The following PPP1R9A variants were observed in gnomAD, a reference collection of about 807,000 sequenced individuals.
PPP1R9A encodes the protein neurabin-1.
PPP1R9A carries 59 observed loss-of-function variants against 141.9 expected under a neutral mutation model. That is an observed-to-expected ratio of 0.42 (90% confidence interval 0.34 to 0.52). The LOEUF (loss-of-function observed/expected upper bound fraction) is 0.52. PPP1R9A is among the 20% of genes least tolerant of loss of function. PPP1R9A has a pLI of 0.10. For synonymous variants in PPP1R9A, 500 were observed against 569.7 expected (o/e 0.88, Z 1.74); for missense variants, 1,444 against 1,611.9 (o/e 0.90, Z 1.78).
At chr7:94,932,519 A>G (rs927024094) in intron 2 of PPP1R9A, among the ~76,000 whole-genome samples, 15 of 152,188 alleles carry the variant, frequency 9.9e-5, no homozygotes, top group Admixed American at 4.6e-4. Context: ...CTTGGAGTAG[A>G]GCTAATTCTG....
chr7:95,009,731 A>C (rs1804143374), intron 2 of PPP1R9A, among the ~76,000 whole-genome samples: 1 of 152,158 alleles, frequency 6.6e-6, no homozygotes, highest in Non-Finnish European at 1.5e-5. Flanking sequence ...GAAAGGAATA[A>C]ATATATATTC....
At chr7:94,953,569 T>C (rs1187810564) in intron 2 of PPP1R9A, among the ~76,000 whole-genome samples, 3 of 152,338 alleles carry the variant, frequency 2.0e-5, no homozygotes, top group Admixed American at 1.3e-4. Flanking sequence ...ATTTTCATGA[T>C]ATTGATTCTT....
Position 95,283,975 on chromosome 7 carries a change from C to T in PPP1R9A, c.3297-43C>T, listed in dbSNP as rs117314545. The T allele has an allele frequency of 4.2e-4, 612 of 1,454,720 alleles. 2 individuals are homozygous for T. The East Asian group carries it at 0.012, about 30-fold the overall frequency. The allele number at this position is 1,454,720 out of a possible 1,614,324, so 90.1% of individuals were successfully genotyped here. A position where few individuals can be genotyped will look rare whatever the true frequency, so the allele number is the denominator to read the frequency against. On this transcript the variant is annotated intron_variant, in intron 16 of 19. Coordinates refer to ENST00000433360, the MANE Select transcript of PPP1R9A (RefSeq NM_001166160.2). ...CCTTGGGTTCAGTAGGTCTTTTATC[C>T]GCCCTTTCTTTATCTAACACACCCA...
intron 2 of PPP1R9A, among the ~76,000 whole-genome samples, chr7:94,921,663 A>C (rs1792859884): frequency 6.6e-6 from 1 of 152,146 alleles, no homozygotes; most frequent in Non-Finnish European, 1.5e-5. Flanking sequence ...AACTTATTGT[A>C]GGATGTTTGA....
intron 2 of PPP1R9A, among the ~76,000 whole-genome samples, chr7:94,954,476 G>C (rs926445629): frequency 2.0e-5 from 3 of 151,862 alleles, no homozygotes; most frequent in African/African-American, 4.8e-5. Context: ...TGCAAATATA[G>C]CTAAATTGGC....
chr7:95,250,211 G>C lies in PPP1R9A; in HGVS notation c.2352G>C (p.Lys784Asn). 1 of 1,612,966 alleles carries C rather than the reference G, an allele frequency of 6.2e-7. No homozygotes were observed. Among genetic ancestry groups the C allele is most frequent in the Non-Finnish European group, 8.5e-7 (1 of 1,179,706 alleles). The change falls in exon 10 of 20, where the codon AAG becomes AAC. Residue 784 changes from lysine (K) to asparagine (N), a missense_variant. Transcript: ENST00000433360. Reference protein sequence around the residue: ...ETQSQYQALEKKYNKAKKLIK... With the variant: ...ETQSQYQALENKYNKAKKLIK... ...AAAGCCAGTATCAGGCCTTGGAAAA[G>C]AAATACAACAAGGCAAAGAAGTTGA...
chr7:95,012,194 G>T (rs1804519687), intron 2 of PPP1R9A, among the ~76,000 whole-genome samples: 1 of 152,074 alleles, frequency 6.6e-6, no homozygotes, highest in Admixed American at 6.6e-5. Flanking sequence ...TCTACAGGCC[G>T]TACAGGAAGC....
At chr7:95,266,564 G>A (rs1365118092) in intron 12 of PPP1R9A, among the ~76,000 whole-genome samples, 6 of 151,950 alleles carry the variant, frequency 3.9e-5, no homozygotes, top group Non-Finnish European at 7.4e-5. Flanking sequence ...TCATGGTAGC[G>A]CATTAATTAG....
At chr7:95,027,592 G>A (rs1432294413) in intron 2 of PPP1R9A, among the ~76,000 whole-genome samples, 2 of 152,130 alleles carry the variant, frequency 1.3e-5, no homozygotes, top group Admixed American at 1.3e-4. Context: ...ACTTAGCGAC[G>A]GGGATACGTT....
At chr7:95,011,253 G>A (rs1196156877) in intron 2 of PPP1R9A, among the ~76,000 whole-genome samples, 1 of 151,962 alleles carries the variant, frequency 6.6e-6, no homozygotes, top group Non-Finnish European at 1.5e-5. Flanking sequence ...CTTTCACAAG[G>A]TTGATTTTTA....
At chr7:95,154,287 G>A (rs1433912491) in intron 4 of PPP1R9A, among the ~76,000 whole-genome samples, 1 of 151,834 alleles carries the variant, frequency 6.6e-6, no homozygotes, top group Non-Finnish European at 1.5e-5. Flanking sequence ...GTTTGTTCAG[G>A]AGCATAGTTT....
chr7:94,981,322 C>T (rs1276102064), intron 2 of PPP1R9A, among the ~76,000 whole-genome samples: 2 of 152,182 alleles, frequency 1.3e-5, no homozygotes, highest in Non-Finnish European at 2.9e-5. Context: ...TCACTGCAAC[C>T]TCTGTCTCTC....
intron 9 of PPP1R9A, among the ~76,000 whole-genome samples, chr7:95,248,634 A>T (rs1798464134): frequency 1.3e-5 from 2 of 152,150 alleles, no homozygotes; most frequent in African/African-American, 2.4e-5. Context: ...TTTTAAAAAG[A>T]TCTCTTTTTC....
chr7:95,121,922 G>GT (rs1191771479), intron 4 of PPP1R9A, among the ~76,000 whole-genome samples: 2 of 152,054 alleles, frequency 1.3e-5, no homozygotes, highest in African/African-American at 4.8e-5. Context: ...GTTAAGGATC[G>GT]TTTTCAACAT....
At chr7:95,279,370 T>C (rs1164697837) in intron 16 of PPP1R9A, among the ~76,000 whole-genome samples, 1 of 152,146 alleles carries the variant, frequency 6.6e-6, no homozygotes, top group Non-Finnish European at 1.5e-5. Context: ...TGAGCACATG[T>C]GTGTGAGTAG....
intron 5 of PPP1R9A, among the ~76,000 whole-genome samples, chr7:95,176,198 C>G (rs1283578587): frequency 6.6e-6 from 1 of 152,116 alleles, no homozygotes; most frequent in African/African-American, 2.4e-5. Flanking sequence ...ACACAACCCC[C>G]AGTACCAGCC....
intron 2 of PPP1R9A, among the ~76,000 whole-genome samples, chr7:94,973,468 A>G (rs1034452123): frequency 2.0e-5 from 3 of 151,934 alleles, no homozygotes; most frequent in Admixed American, 6.5e-5. Context: ...AGTGAACGTT[A>G]TAGATTTTGG....
intron 2 of PPP1R9A, among the ~76,000 whole-genome samples, chr7:94,981,309 G>T (rs148619508): frequency 6.6e-6 from 1 of 151,940 alleles, no homozygotes; most frequent in East Asian, 1.9e-4. Context: ...TCTCGATCTC[G>T]GCTCACTGCA....
At chr7:95,117,805 G>C (rs1362598155) in intron 3 of PPP1R9A, among the ~76,000 whole-genome samples, 1 of 152,092 alleles carries the variant, frequency 6.6e-6, no homozygotes, top group Non-Finnish European at 1.5e-5. Context: ...TGAGTATAAT[G>C]AAAGTGAGCA....
Sources: allele counts gnomAD v4.1 joint callset (sites outside exome capture counted in the v4.1 genomes callset), GRCh38; gene constraint gnomAD v4.1.1; transcripts MANE v1.5; gene names NCBI Gene and HGNC (gene_info 2026-07-23, HGNC 2026-07-21).